Variants in NCAM2 observed in about 807,000 individuals in gnomAD.
NCAM2 encodes the protein neural cell adhesion molecule 2.
Under a neutral mutation model 98.1 loss-of-function variants are expected in NCAM2, and 30 were observed. That is an observed-to-expected ratio of 0.31 (90% CI 0.23 to 0.41). The LOEUF is 0.41. NCAM2 is among the 10% of genes least tolerant of loss of function. The probability of loss-of-function intolerance (pLI) is 1.00; values close to 1 mark genes in which losing one functional copy is unlikely to be tolerated. For missense variants in NCAM2, 867 were observed against 1,005.8 expected (o/e 0.86, Z 1.87); for synonymous variants, 368 against 342.4 (o/e 1.07, Z -0.83).
Position 21,175,555 on chromosome 21 carries a change from A to G in NCAM2, c.56-105023A>G, listed in dbSNP as rs184587643. Among the ~76,000 whole-genome samples the G allele has an allele frequency of 1.2e-4, 18 of 152,240 alleles. 1 individual carries two copies. The East Asian group carries it at 3.3e-3, about 28-fold the overall frequency. ...CTCAAAAAAAATAAAAAAAAATAAA[A>G]TAATAAAACAGGGTGGTAACATTAA... On this transcript the variant is annotated intron_variant, in intron 1 of 17. Coordinates refer to ENST00000400546, the MANE Select transcript of NCAM2 (RefSeq NM_004540.5).
At chr21:21,512,459 A>T (rs949755353) in intron 16 of NCAM2, among the ~76,000 whole-genome samples, 3 of 152,120 alleles carry the variant, frequency 2.0e-5, no homozygotes, top group Admixed American at 6.6e-5. Flanking sequence ...GTCTGTTTTT[A>T]TGCCAGTAGC....
At chr21:21,457,103 AAG>A (rs1982258802) in intron 12 of NCAM2, among the ~76,000 whole-genome samples, 1 of 152,210 alleles carries the variant, frequency 6.6e-6, no homozygotes, top group Non-Finnish European at 1.5e-5. Flanking sequence ...TAGAAGCTGT[AAG>A]AGTTTTGCAG....
intron 1 of NCAM2, among the ~76,000 whole-genome samples, chr21:21,256,758 A>G (rs190069840): frequency 5.9e-5 from 9 of 152,332 alleles, no homozygotes; most frequent in Admixed American, 2.6e-4. Context: ...CTGTTAATGG[A>G]CTTCTAAGAG....
intron 1 of NCAM2, among the ~76,000 whole-genome samples, chr21:21,162,500 A>G (rs183711012): frequency 5.9e-5 from 9 of 152,268 alleles, no homozygotes; most frequent in Non-Finnish European, 1.5e-5. Context: ...CATAAAATAT[A>G]TATCACAATT....
intron 1 of NCAM2, among the ~76,000 whole-genome samples, chr21:21,028,313 G>A (rs1458143288): frequency 4.6e-5 from 7 of 152,168 alleles, no homozygotes; most frequent in Admixed American, 2.0e-4. Flanking sequence ...CCCAATTCCA[G>A]TCATCTTGTT....
At chr21:21,330,344 G>T (rs1189045909) in intron 6 of NCAM2, among the ~76,000 whole-genome samples, 3 of 151,778 alleles carry the variant, frequency 2.0e-5, no homozygotes, top group Non-Finnish European at 2.9e-5. Context: ...TTTCCAATTT[G>T]GAGGGGTTTA....
intron 1 of NCAM2, among the ~76,000 whole-genome samples, chr21:21,065,932 C>T (rs562460137): frequency 6.6e-6 from 1 of 152,098 alleles, no homozygotes; most frequent in Non-Finnish European, 1.5e-5. Flanking sequence ...ATTAAGCACT[C>T]CCCAATGCAT....
intron 1 of NCAM2, among the ~76,000 whole-genome samples, chr21:21,123,108 TTG>T (rs1352207679): frequency 6.6e-6 from 1 of 152,092 alleles, no homozygotes; most frequent in African/African-American, 2.4e-5. Flanking sequence ...TTTGAAAATT[TTG>T]TGTCTGGGCA....
At chr21:21,335,303 C>A (rs992309692) in intron 6 of NCAM2, among the ~76,000 whole-genome samples, 1 of 151,472 alleles carries the variant, frequency 6.6e-6, no homozygotes, top group African/African-American at 2.4e-5. Context: ...TGTTTACATT[C>A]AAAAAAAATT....
intron 1 of NCAM2, among the ~76,000 whole-genome samples, chr21:21,240,817 C>T (rs1437517280): frequency 1.3e-5 from 2 of 152,094 alleles, no homozygotes; most frequent in Non-Finnish European, 2.9e-5. Flanking sequence ...TTCTGTGTTT[C>T]AATTCTCCTC....
intron 1 of NCAM2, among the ~76,000 whole-genome samples, chr21:21,224,337 G>A (rs1184107329): frequency 6.6e-6 from 1 of 152,122 alleles, no homozygotes; most frequent in African/African-American, 2.4e-5. Context: ...TGCTTAAGAT[G>A]TTTTTGTTTT....
At chr21:21,226,521 A>G (rs1395821624) in intron 1 of NCAM2, 5 of 152,072 alleles carry the variant, frequency 3.3e-5, no homozygotes, top group Non-Finnish European at 5.9e-5. Context: ...TAACACAGGC[A>G]GTTTTGTTGG....
rs1221360368 is a variant in NCAM2, at chr21:21,543,244, G to C, written c.*5287G>C. On this transcript the variant is annotated 3_prime_UTR_variant, in exon 18 of 18. Transcript: ENST00000400546. ...AAATGTTGAAGTTTTGTATTTATGAGAGACATTGAAAGTATGGCTTACAGT... is the reference window on the plus strand; with the variant it reads ...AAATGTTGAAGTTTTGTATTTATGACAGACATTGAAAGTATGGCTTACAGT... 2 of 151,816 alleles carry C rather than the reference G, an allele frequency of 1.3e-5. No homozygotes were observed. Among genetic ancestry groups the C allele is most frequent in the Non-Finnish European group, 2.9e-5 (2 of 67,874 alleles). 9.4% of individuals were successfully genotyped at this position (151,816 alleles called of 1,614,324 possible).
intron 1 of NCAM2, among the ~76,000 whole-genome samples, chr21:21,073,167 C>G (rs2065608088): frequency 1.3e-5 from 2 of 152,120 alleles, no homozygotes; most frequent in Non-Finnish European, 2.9e-5. Context: ...CTTTTTAAGG[C>G]TGAATTATAT....
chr21:21,126,925 C>G (rs1455757229), intron 1 of NCAM2, among the ~76,000 whole-genome samples: 2 of 151,778 alleles, frequency 1.3e-5, no homozygotes, highest in Non-Finnish European at 2.9e-5. Flanking sequence ...ACGCTTTTAC[C>G]TTCTAGGAGA....
chr21:21,193,227 G>T (rs1568747813), intron 1 of NCAM2, among the ~76,000 whole-genome samples: 1 of 151,924 alleles, frequency 6.6e-6, no homozygotes, highest in Non-Finnish European at 1.5e-5. Context: ...TTAAATGAAT[G>T]AAAGGATTAT....
intron 1 of NCAM2, among the ~76,000 whole-genome samples, chr21:21,066,590 A>G (rs2065442951): frequency 6.6e-6 from 1 of 152,158 alleles, no homozygotes; most frequent in African/African-American, 2.4e-5. Context: ...TATGCGCAAG[A>G]AAGTTCAATA....
chr21:21,308,881 C>CT (rs2073960503), intron 5 of NCAM2, among the ~76,000 whole-genome samples: 2 of 151,650 alleles, frequency 1.3e-5, no homozygotes, highest in Admixed American at 1.3e-4. Context: ...GATATTCTCT[C>CT]TTATTACATG....
chr21:21,264,206 A>G (rs1004306965), intron 1 of NCAM2, among the ~76,000 whole-genome samples: 16 of 152,146 alleles, frequency 1.1e-4, no homozygotes, highest in African/African-American at 3.6e-4. Context: ...ATACCTCTTA[A>G]AAGAAGACAT....
Sources: allele counts gnomAD v4.1 joint callset (sites outside exome capture counted in the v4.1 genomes callset), GRCh38; gene constraint gnomAD v4.1.1; transcripts MANE v1.5; gene names NCBI Gene and HGNC (gene_info 2026-07-23, HGNC 2026-07-21).